Variants in SLIT2 observed in about 807,000 individuals in gnomAD.
The protein encoded by SLIT2 is slit guidance ligand 2, also known as slit homolog 2 protein.
Under a neutral mutation model 185.7 loss-of-function variants are expected in SLIT2, and 41 were observed. The observed-to-expected ratio is 0.22, with a 90% CI of 0.17 to 0.29. The LOEUF is 0.29. Among genes scored for constraint, SLIT2 ranks in the 10% least tolerant of loss-of-function variants. SLIT2 has a pLI of 1.00. For missense variants in SLIT2, 1,571 were observed against 1,909.0 expected, an observed-to-expected ratio of 0.82 and a Z score of 3.30; for synonymous variants, 693 against 680.2, an observed-to-expected ratio of 1.02 and a Z score of -0.29.
chr4:20,431,575 A>G (rs1415086022), intron 4 of SLIT2, among the ~76,000 whole-genome samples: 1 of 152,120 alleles, frequency 6.6e-6, no homozygotes, highest in African/African-American at 2.4e-5. Flanking sequence ...GGAACAAAAA[A>G]GGAAAAGTGA....
intron 4 of SLIT2, among the ~76,000 whole-genome samples, chr4:20,412,074 A>G (rs926570744): frequency 5.3e-5 from 8 of 152,110 alleles, no homozygotes; most frequent in Non-Finnish European, 1.2e-4. Context: ...CAATATTTTC[A>G]GGGTTATTAT....
chr4:20,509,971 A>G (rs1719557190), intron 9 of SLIT2, among the ~76,000 whole-genome samples: 1 of 152,170 alleles, frequency 6.6e-6, no homozygotes, highest in South Asian at 2.1e-4. Context: ...TTATAATTTA[A>G]CATTTTGCCT....
At position 20,528,878 on chromosome 4, in the gene SLIT2, T is replaced by C; in HGVS notation, c.1463-71T>C. On this transcript the variant is annotated intron_variant, in intron 15 of 36. Coordinates refer to ENST00000504154, the MANE Select transcript of SLIT2 (RefSeq NM_004787.4). This position sits in a 1 kb window ranked among gnomAD's most constrained non-coding sequence, Gnocchi z 4.2. ...ATAATCTATAGTTATCTTACTTTTT[T>C]CTTCCTACAAACTAATAAATTTTCT... The C allele has an allele frequency of 7.9e-7, 1 of 1,272,078 alleles. No individual in the cohort carries two copies. Among genetic ancestry groups the C allele is most frequent in the African/African-American group, 1.5e-5 (1 of 67,576 alleles). The allele number at this position is 1,272,078 out of a possible 1,614,324, so 78.8% of individuals were successfully genotyped here. A position where few individuals can be genotyped will look rare whatever the true frequency, so the allele number is the denominator to read the frequency against.
At chr4:20,578,060 A>T (rs1031248799) in intron 29 of SLIT2, among the ~76,000 whole-genome samples, 2 of 152,150 alleles carry the variant, frequency 1.3e-5, no homozygotes, top group African/African-American at 4.8e-5. Context: ...TCAGAACACA[A>T]ATCTGCTATC....
At chr4:20,435,198 C>T (rs532830171) in intron 4 of SLIT2, among the ~76,000 whole-genome samples, 1 of 152,260 alleles carries the variant, frequency 6.6e-6, no homozygotes, top group African/African-American at 2.4e-5. Context: ...GTATGTGCAA[C>T]CTTTTGCTAG....
intron 4 of SLIT2, among the ~76,000 whole-genome samples, chr4:20,422,869 A>G (rs1018374793): frequency 6.6e-6 from 1 of 151,358 alleles, no homozygotes; most frequent in Non-Finnish European, 1.5e-5. Context: ...AGAATACTCA[A>G]TATCATTCTG....
Position 20,511,125 on chromosome 4 carries a change from C to A in SLIT2, c.1046C>A (p.Ser349Tyr). ...LAPDAFQGLR[S>Y]LNSLVLYGNK... ...CCAGATGCTTTCCAAGGACTACGCTCTCTGAATTCACTGTAAGTATTCACT... is the reference window on the plus strand; with the variant it reads ...CCAGATGCTTTCCAAGGACTACGCTATCTGAATTCACTGTAAGTATTCACT... The change falls in exon 11 of 37, where the codon TCT (serine) becomes TAT (tyrosine). Residue 349 changes from serine (S) to tyrosine (Y), a missense_variant. Ser to Tyr is a moderately radical substitution (Grantham distance 144). Coordinates refer to ENST00000504154, the MANE Select transcript of SLIT2 (RefSeq NM_004787.4). The A allele has an allele frequency of 6.3e-7, 1 of 1,595,810 alleles. No homozygotes were observed. Among genetic ancestry groups the A allele is most frequent in the Non-Finnish European group, 8.6e-7 (1 of 1,165,306 alleles).
chr4:20,587,271 A>C (rs1306494534), intron 29 of SLIT2, among the ~76,000 whole-genome samples: 1 of 152,048 alleles, frequency 6.6e-6, no homozygotes, highest in Non-Finnish European at 1.5e-5. Flanking sequence ...CGCCCTCCTC[A>C]GCCTCCTAAG....
intron 33 of SLIT2, among the ~76,000 whole-genome samples, chr4:20,607,039 G>A (rs187187404): frequency 2.0e-5 from 3 of 152,316 alleles, no homozygotes; most frequent in Non-Finnish European, 4.4e-5. Flanking sequence ...AACTAGATGT[G>A]TCACCTTGGA....
intron 4 of SLIT2, among the ~76,000 whole-genome samples, chr4:20,390,719 T>C (rs191526890): frequency 6.6e-6 from 1 of 151,880 alleles, no homozygotes; most frequent in Admixed American, 6.6e-5. Context: ...ACACATTATT[T>C]TTCAAAGTCA....
intron 8 of SLIT2, among the ~76,000 whole-genome samples, chr4:20,490,181 TA>T (rs1717653732): frequency 6.6e-6 from 1 of 152,242 alleles, no homozygotes; most frequent in South Asian, 2.1e-4. Flanking sequence ...CTGAGTTTTT[TA>T]ATATGCTTAA....
chr4:20,415,096 T>C (rs1261604894), intron 4 of SLIT2, among the ~76,000 whole-genome samples: 2 of 152,156 alleles, frequency 1.3e-5, no homozygotes, highest in Non-Finnish European at 2.9e-5. Flanking sequence ...AAGAAGGAAA[T>C]ATTTTGTTTC....
chr4:20,312,750 C>T (rs1429999500), intron 4 of SLIT2, among the ~76,000 whole-genome samples: 1 of 118,442 alleles, frequency 8.4e-6, no homozygotes, highest in Non-Finnish European at 1.6e-5. Context: ...TTCAGCCTGG[C>T]GATAGAGTGA....
chr4:20,471,050 GAACAAT>G (rs1714948002), intron 5 of SLIT2, among the ~76,000 whole-genome samples: 1 of 152,110 alleles, frequency 6.6e-6, no homozygotes, highest in Non-Finnish European at 1.5e-5. Flanking sequence ...TTGATCAAAA[GAACAAT>G]TTATTCCCAC....
intron 4 of SLIT2, among the ~76,000 whole-genome samples, chr4:20,375,609 T>A (rs1723950616): frequency 2.0e-5 from 3 of 152,088 alleles, no homozygotes; most frequent in Admixed American, 2.0e-4. Flanking sequence ...TAATCAGTCT[T>A]GACCTTCATT....
intron 4 of SLIT2, among the ~76,000 whole-genome samples, chr4:20,383,208 A>G (rs1278947247): frequency 6.6e-6 from 1 of 152,214 alleles, no homozygotes; most frequent in Non-Finnish European, 1.5e-5. Flanking sequence ...GTTATAGCAA[A>G]GATTTCTTAA....
intron 4 of SLIT2, among the ~76,000 whole-genome samples, chr4:20,346,828 A>C (rs924849940): frequency 6.6e-6 from 1 of 152,202 alleles, no homozygotes; most frequent in African/African-American, 2.4e-5. Context: ...GGAAGCATCC[A>C]GAACGGGAGA....
At chr4:20,571,198 GCC>G (rs1225779669) in intron 29 of SLIT2, among the ~76,000 whole-genome samples, 2 of 152,136 alleles carry the variant, frequency 1.3e-5, no homozygotes, top group Non-Finnish European at 2.9e-5. Context: ...TCTGTCAAGA[GCC>G]ATTTGGCTCT....
intron 15 of SLIT2, among the ~76,000 whole-genome samples, chr4:20,525,786 C>T (rs1721234906): frequency 6.6e-6 from 1 of 152,020 alleles, no homozygotes; most frequent in South Asian, 2.1e-4. Context: ...AATATAACTC[C>T]ATAAAAAAGA....
Sources: allele counts gnomAD v4.1 joint callset (sites outside exome capture counted in the v4.1 genomes callset), GRCh38; gene constraint gnomAD v4.1.1; non-coding constraint Gnocchi (gnomAD v3.1); transcripts MANE v1.5; gene names NCBI Gene and HGNC (gene_info 2026-07-23, HGNC 2026-07-21).